The following NBAS variants were observed in gnomAD, a reference collection of about 807,000 sequenced individuals.
NBAS encodes NAG/BC035112 fusion.
In NBAS, 219 loss-of-function variants were observed where a neutral mutation model predicts 302.5. That is an observed-to-expected ratio of 0.72 (90% CI 0.65 to 0.81). The LOEUF (loss-of-function observed/expected upper bound fraction) is 0.81, where lower values mean the gene tolerates loss of function less well. Ranked by LOEUF, NBAS falls within the 30% of genes least tolerant of loss-of-function variation. The probability of loss-of-function intolerance (pLI) is 0.00; values close to 1 mark genes in which losing one functional copy is unlikely to be tolerated. For missense variants in NBAS, 2,932 were observed against 2,841.6 expected, an observed-to-expected ratio of 1.03 and a Z score of -0.72; for synonymous variants, 1,118 against 1,021.6, an observed-to-expected ratio of 1.09 and a Z score of -1.80.
chr2:15,493,152 G>A (rs563907019), intron 11 of NBAS, among the ~76,000 whole-genome samples: 8 of 152,144 alleles, frequency 5.3e-5, no homozygotes, highest in African/African-American at 1.7e-4. Context: ...ATTAAGACCT[G>A]CTTTGTTTCC....
the NBAS span, among the ~76,000 whole-genome samples, chr2:14,921,548 A>G: frequency 1.3e-5 from 2 of 152,226 alleles, no homozygotes; most frequent in Non-Finnish European, 2.9e-5. Flanking sequence ...CAGCAAATGC[A>G]AACACCTGGG....
intron 11 of NBAS, among the ~76,000 whole-genome samples, chr2:15,500,787 G>C (rs921974994): frequency 1.3e-5 from 2 of 151,794 alleles, no homozygotes; most frequent in African/African-American, 4.8e-5. Context: ...AGCCGGGCGT[G>C]GGGGCGGGTA....
chr2:14,802,918 T>G, the NBAS span, among the ~76,000 whole-genome samples: 1 of 138,894 alleles, frequency 7.2e-6, no homozygotes, highest in Non-Finnish European at 1.6e-5. Flanking sequence ...AGGGATAGCA[T>G]TGGGAGATAT....
rs368867388 is a variant in NBAS, at chr2:15,402,177, C to G, written c.3062G>C (p.Arg1021Thr). The change falls in exon 26 of 52, where the codon AGA becomes ACA. Residue 1021 changes from arginine (R) to threonine (T), a missense_variant. Physicochemically the swap from Arg to Thr is moderately conservative, Grantham distance 71 (BLOSUM62 -1). Transcript: ENST00000281513. ...TACTGTGTATTCTTACCCATATCCT[C>G]TTTCTGGCAGACATTCTAGTAGGTC... ...CYDLLECLPE[R>T]GYGDKTEATT... The G allele has an allele frequency of 3.1e-6, 5 of 1,613,434 alleles. No individual in the cohort carries two copies. The highest frequency in any genetic ancestry group is 1.3e-5 in the African/African-American group (1 of 74,882).
chr2:15,158,936 G>A, the NBAS span, among the ~76,000 whole-genome samples: 1 of 152,202 alleles, frequency 6.6e-6, no homozygotes, highest in Admixed American at 6.5e-5. Context: ...GGTTGTGAGA[G>A]TAAACAATTG....
At chr2:15,125,673 G>A in the NBAS span, among the ~76,000 whole-genome samples, 16 of 152,292 alleles carry the variant, frequency 1.1e-4, no homozygotes, top group South Asian at 2.7e-3. Context: ...ACCCTGTTAC[G>A]TTTCAGACTT....
chr2:15,000,858 G>A, the NBAS span, among the ~76,000 whole-genome samples: 11 of 152,214 alleles, frequency 7.2e-5, no homozygotes, highest in African/African-American at 2.7e-4. Flanking sequence ...GCACTTGGCA[G>A]TCATGTTCTC....
chr2:14,780,259 C>T, the NBAS span, among the ~76,000 whole-genome samples: 2 of 152,174 alleles, frequency 1.3e-5, no homozygotes, highest in African/African-American at 4.8e-5. Flanking sequence ...ATTAGTGTAA[C>T]CTATGGGCCT....
the NBAS span, among the ~76,000 whole-genome samples, chr2:15,138,901 A>G: frequency 7.2e-5 from 11 of 152,316 alleles, no homozygotes; most frequent in East Asian, 2.1e-3. Flanking sequence ...CCAAGAAGTC[A>G]CCTTATTCTT....
chr2:14,787,209 A>C, the NBAS span, among the ~76,000 whole-genome samples: 1 of 152,172 alleles, frequency 6.6e-6, no homozygotes, highest in Admixed American at 6.5e-5. Context: ...TTGAGCCTAC[A>C]TGTGTCTCTG....
At chr2:15,503,886 A>G (rs1013956881) in intron 11 of NBAS, among the ~76,000 whole-genome samples, 3 of 152,230 alleles carry the variant, frequency 2.0e-5, no homozygotes, top group Admixed American at 6.5e-5. Flanking sequence ...TCCTTGAGCT[A>G]TATTCCCAGA....
chr2:15,144,016 A>G, the NBAS span, among the ~76,000 whole-genome samples: 1 of 120,172 alleles, frequency 8.3e-6, no homozygotes, highest in Non-Finnish European at 1.6e-5. Context: ...GTGTGAGTTA[A>G]TACTATATAT....
At chr2:15,207,272 C>A (rs12105105) in intron 48 of NBAS, among the ~76,000 whole-genome samples, 2 of 152,190 alleles carry the variant, frequency 1.3e-5, no homozygotes, top group Admixed American at 6.5e-5. Flanking sequence ...CCTGTAGCTC[C>A]TTTGTTTTGG....
the NBAS span, among the ~76,000 whole-genome samples, chr2:14,879,538 A>C: frequency 9.3e-3 from 1,417 of 152,296 alleles, 25 homozygotes; most frequent in African/African-American, 0.031. Flanking sequence ...TACAAACATT[A>C]CTAAAATATA....
intron 26 of NBAS, chr2:15,397,311 T>C (rs1675912212): frequency 4.6e-6 from 1 of 218,642 alleles, no homozygotes; most frequent in Non-Finnish European, 8.9e-6. Flanking sequence ...TTCTGTGCAA[T>C]GCTCCACCTA....
chr2:14,975,706 C>G, the NBAS span, among the ~76,000 whole-genome samples: 1 of 152,104 alleles, frequency 6.6e-6, no homozygotes, highest in African/African-American at 2.4e-5. Flanking sequence ...AAGCCTAAGT[C>G]CCACATACGT....
intron 50 of NBAS, among the ~76,000 whole-genome samples, chr2:15,185,131 G>A (rs1178479275): frequency 1.3e-5 from 2 of 152,142 alleles, no homozygotes; most frequent in Non-Finnish European, 2.9e-5. Flanking sequence ...GACTTGATTT[G>A]AAGATCAGAC....
At chr2:15,092,726 A>G in the NBAS span, among the ~76,000 whole-genome samples, 155 of 152,354 alleles carry the variant, frequency 1.0e-3, no homozygotes, top group African/African-American at 3.6e-3. Context: ...AACTAAAAAC[A>G]TAATCTGCTC....
chr2:15,502,701 T>G (rs1308949451), intron 11 of NBAS, among the ~76,000 whole-genome samples: 1 of 152,154 alleles, frequency 6.6e-6, no homozygotes, highest in Non-Finnish European at 1.5e-5. Context: ...GGTGAGTGAG[T>G]GTGCGAGTGA....
Sources: gnomAD v4.1 joint callset for allele counts (sites outside exome capture counted in the v4.1 genomes callset) on GRCh38, gnomAD v4.1.1 for gene constraint, MANE v1.5 for transcripts, NCBI Gene and HGNC (gene_info 2026-07-23, HGNC 2026-07-21) for gene names.